PPFIA3: variants seen among roughly 807,000 people sequenced by gnomAD.
PPFIA3 encodes the protein liprin-alpha-3.
A neutral mutation model predicts 145.8 loss-of-function variants in PPFIA3; 26 were observed. The observed-to-expected ratio is 0.18, with a 90% CI of 0.13 to 0.25. The LOEUF (loss-of-function observed/expected upper bound fraction) is 0.25. Ranked by LOEUF, PPFIA3 falls within the 10% of genes least tolerant of loss-of-function variation. PPFIA3 has a pLI of 1.00. For synonymous variants in PPFIA3, 645 were observed against 661.4 expected, an observed-to-expected ratio of 0.98 and a Z score of 0.38; for missense variants, 1,008 against 1,587.8, an observed-to-expected ratio of 0.63 and a Z score of 6.21.
In PPFIA3 at chr19:49,135,791, C is replaced by T. The variant is rs1487528974; in HGVS notation, c.1533C>T (p.Gly511=). The T allele has an allele frequency of 1.2e-6, 2 of 1,611,246 alleles. No individual in the cohort carries two copies. The highest frequency in any genetic ancestry group is 2.2e-5 in the East Asian group (1 of 44,710). ...CTCATGCCCACAGGTCTCTCCCTGG[C>T]AGTGCCCTGGAGCTCCGTTACTCTC... is the stretch of plus-strand genomic sequence containing the variant. ...PPSSYSRSLP[G]SALELRYSQA... Residue 511 remains glycine, a synonymous_variant, in exon 14 of 30, where the codon GGC becomes GGT. Transcript: ENST00000334186.
chr19:49,139,751 C>G lies in PPFIA3; in HGVS notation c.2160C>G (p.Arg720=). 6.2e-7 allele frequency: 1 copy of G among 1,614,066 alleles called. No individual in the cohort carries two copies. Among genetic ancestry groups the G allele is most frequent in the Non-Finnish European group, 8.5e-7 (1 of 1,179,948 alleles). The part of the protein sequence containing the change: ...IPGDTPPPTP[R]SARLERMTQA... ...GAGACACCCCACCACCCACTCCCCG[C>G]TCTGCCCGTCTTGAGAGAATGACCC... is the stretch of plus-strand genomic sequence containing the variant. The change falls in exon 17 of 30, where the codon CGC becomes CGG. Residue 720 remains arginine (R), a synonymous_variant. Coordinates refer to ENST00000334186, the MANE Select transcript of PPFIA3 (RefSeq NM_003660.4).
chr19:49,129,940 G>C, intron 5 of PPFIA3, 53 bp from the exon 6 acceptor site: 1 of 1,585,660 alleles, frequency 6.3e-7, no homozygotes, highest in African/African-American at 1.3e-5. Flanking sequence ...GTGAGAACTA[G>C]AGCTGGGGGT....
rs1475007683 is a variant in PPFIA3 at position 49,134,153 on chromosome 19, G to T, written c.1365G>T (p.Ala455=). 3 of 1,610,300 alleles carry T rather than the reference G, an allele frequency of 1.9e-6. No individual in the cohort carries two copies. Among genetic ancestry groups the T allele is most frequent in the Middle Eastern group, 1.7e-4 (1 of 6,026 alleles). ...LQLHLKERMG[A]LEEKNSLSEE... ...TTCACCTCAAGGAGCGCATGGGGGC[G>T]CTGGAGGAGAAGGTGCGCCCCCCAT... The change falls in exon 11 of 30, where the codon GCG becomes GCT. Residue 455 remains alanine, a synonymous_variant. Transcript: ENST00000334186.
chr19:49,135,846 C>A lies in PPFIA3; in HGVS notation c.1588C>A (p.Leu530Met). Residue 530 changes from leucine (L) to methionine (M), a missense_variant, in exon 14 of 30, where the codon CTG becomes ATG. Physicochemically the swap from Leu to Met is conservative, Grantham distance 15. Transcript: ENST00000334186. Reference protein sequence around the residue: ...QAPTLPSGAHLDPYVAGSGRA... With the variant: ...QAPTLPSGAHMDPYVAGSGRA... Reference sequence around the variant, plus strand: ...ACCCACTTTACCTTCTGGTGCCCACCTGGATCCCTATGTGGCTGGCAGTGG... The same window carrying A: ...ACCCACTTTACCTTCTGGTGCCCACATGGATCCCTATGTGGCTGGCAGTGG... The A allele has an allele frequency of 1.2e-6, 2 of 1,614,034 alleles. No homozygotes were observed. The highest frequency in any genetic ancestry group is 1.7e-6 in the Non-Finnish European group (2 of 1,179,994).
chr19:49,146,480 G>A (rs1328085563), intron 23 of PPFIA3: 1 of 534,226 alleles, frequency 1.9e-6, no homozygotes, highest in Non-Finnish European at 3.3e-6. Flanking sequence ...TAGCTCAGGA[G>A]AGACTGAGCA....
chr19:49,148,341 A>G, intron 24 of PPFIA3, 83 bp downstream of exon 24: 1 of 1,435,470 alleles, frequency 7.0e-7, no homozygotes, highest in Non-Finnish European at 9.3e-7. Flanking sequence ...TGGCCATGGG[A>G]GATTCCCAGG....
intron 1 of PPFIA3, among the ~76,000 whole-genome samples, chr19:49,122,638 C>A (rs1568432279): frequency 1.3e-5 from 2 of 152,144 alleles, no homozygotes; most frequent in East Asian, 1.9e-4. Context: ...AATGCCCTTC[C>A]CTGTTTCCCT....
intron 23 of PPFIA3, among the ~76,000 whole-genome samples, chr19:49,146,950 C>A (rs1359529699): frequency 6.6e-6 from 1 of 151,880 alleles, no homozygotes; most frequent in Non-Finnish European, 1.5e-5. Context: ...AACAAATAAA[C>A]TAACAAAAAA....
intron 20 of PPFIA3, 30 bp from the exon 21 acceptor site, chr19:49,142,774 C>T (rs1394682156): frequency 5.1e-6 from 8 of 1,582,870 alleles, no homozygotes; most frequent in Non-Finnish European, 6.9e-6. Context: ...GTCCCTCTGT[C>T]CCCTCTGTCC....
At chr19:49,135,670 C>T (rs866122137) in intron 13 of PPFIA3, 109 bp from the exon 14 acceptor site, 10 of 1,238,234 alleles carry the variant, frequency 8.1e-6, no homozygotes, top group African/African-American at 1.5e-5. Flanking sequence ...AGGCCTGGCC[C>T]CTTGACCTTG....
chr19:49,140,958 AT>A (rs2041215296), intron 18 of PPFIA3, among the ~76,000 whole-genome samples: 1 of 152,004 alleles, frequency 6.6e-6, no homozygotes, highest in Non-Finnish European at 1.5e-5. Context: ...CCAGCCACCT[AT>A]TTTTTAAACA....
intron 1 of PPFIA3, among the ~76,000 whole-genome samples, chr19:49,127,150 G>A (rs976031229): frequency 1.3e-4 from 19 of 150,194 alleles, no homozygotes; most frequent in African/African-American, 4.2e-4. Context: ...TTGGGAGGCC[G>A]AGGCGGGCAG....
In PPFIA3 at chr19:49,134,909, A is replaced by C; in HGVS notation, c.1514A>C (p.Tyr505Ser). The C allele has an allele frequency of 6.4e-7, 1 of 1,562,400 alleles. No individual in the cohort carries two copies. Among genetic ancestry groups the C allele is most frequent in the Non-Finnish European group, 8.7e-7 (1 of 1,152,238 alleles). The part of the protein sequence containing the change: ...DQLRGRPPSS[Y>S]SRSLPGSALE... ...CTGCGGGGGAGGCCACCATCCTCCT[A>C]CTCCAGGTGACAGCAGCCCTTCTGC... The change falls in exon 13 of 30, where the codon TAC becomes TCC. Residue 505 changes from tyrosine (Y) to serine (S), a missense_variant. Physicochemically the swap from Tyr to Ser is moderately radical, Grantham distance 144. This residue lies in a region of PPFIA3 where 121 missense variants were observed against 138.2 expected (regional missense o/e 0.88). Coordinates refer to ENST00000334186, the MANE Select transcript of PPFIA3 (RefSeq NM_003660.4).
intron 21 of PPFIA3, chr19:49,145,647 C>A (rs943103383): frequency 1.0e-4 from 46 of 442,290 alleles, no homozygotes; most frequent in African/African-American, 8.1e-4. Flanking sequence ...ACTTCTGAAT[C>A]CTCATTCTGT....
Position 49,150,337 on chromosome 19 carries a change from G to T in PPFIA3, c.*115G>T. The T allele has an allele frequency of 1.6e-6, 1 of 624,976 alleles. No homozygotes were observed. The highest frequency in any genetic ancestry group is 2.7e-6 in the Non-Finnish European group (1 of 363,706). 38.7% of individuals were successfully genotyped at this position (624,976 alleles called of 1,614,324 possible). A position where few individuals can be genotyped will look rare whatever the true frequency, so the allele number is the denominator to read the frequency against. On this transcript the variant is annotated 3_prime_UTR_variant, in exon 30 of 30. Coordinates refer to ENST00000334186, the MANE Select transcript of PPFIA3 (RefSeq NM_003660.4). ...GAGAGCGGGCGGGGGAGCTCGCGCC[G>T]AGGACTGGACCATCTGTACAGACCA...
chr19:49,122,448 A>G (rs1038028739), intron 1 of PPFIA3, among the ~76,000 whole-genome samples: 12 of 152,148 alleles, frequency 7.9e-5, no homozygotes, highest in African/African-American at 2.4e-4. Flanking sequence ...ATCCTCAGAC[A>G]TGTTCCAAAG....
chr19:49,148,322 C>T (rs1203062209), intron 24 of PPFIA3, 64 bp downstream of exon 24: 5 of 1,527,764 alleles, frequency 3.3e-6, no homozygotes, highest in Non-Finnish European at 4.4e-6. Context: ...AGTCTTTGGC[C>T]AATAGGATTG....
At chr19:49,124,858 G>C (rs994086833) in intron 1 of PPFIA3, among the ~76,000 whole-genome samples, 1 of 152,124 alleles carries the variant, frequency 6.6e-6, no homozygotes, top group Non-Finnish European at 1.5e-5. Context: ...GAGGTCAGGA[G>C]ATTGAGCTCA....
At position 49,128,192 on chromosome 19, in the gene PPFIA3, G is replaced by T; in HGVS notation, c.240+79G>T. 1 of 1,470,944 alleles carries T rather than the reference G, an allele frequency of 6.8e-7. No individual in the cohort carries two copies. The highest frequency in any genetic ancestry group is 1.3e-5 in the South Asian group (1 of 74,664). The allele number at this position is 1,470,944 out of a possible 1,614,324, so 91.1% of individuals were successfully genotyped here. A position where few individuals can be genotyped will look rare whatever the true frequency, so the allele number is the denominator to read the frequency against. On this transcript the variant is annotated intron_variant, in intron 2 of 29. Transcript: ENST00000334186. This position sits in a 1 kb window ranked among gnomAD's most constrained non-coding sequence, Gnocchi z 4.1. ...GGCGGTCCGGAAGGGGCCGGGCTTG[G>T]CGCCTGGAAGGGAGGAGTCTGGGCG...
Sources: allele counts gnomAD v4.1 joint callset (sites outside exome capture counted in the v4.1 genomes callset), GRCh38; gene constraint gnomAD v4.1.1; regional missense constraint gnomAD v4.1.1; non-coding constraint Gnocchi (gnomAD v3.1); transcripts MANE v1.5; gene names NCBI Gene and HGNC (gene_info 2026-07-23, HGNC 2026-07-21).